The following QARS1 variants were observed in gnomAD, a reference collection of about 807,000 sequenced individuals.
QARS1 encodes the protein glutamine--tRNA ligase.
In QARS1, 79 loss-of-function variants were observed where a neutral mutation model predicts 106.9. The ratio of observed to expected loss-of-function variants is 0.74; its 90% CI spans 0.62 to 0.89. The LOEUF is 0.89. QARS1 is among the 40% of genes least tolerant of loss of function. The pLI is 0.00. For synonymous variants in QARS1, 395 were observed against 367.7 expected, an observed-to-expected ratio of 1.07 and a Z score of -0.85; for missense variants, 966 against 997.2, an observed-to-expected ratio of 0.97 and a Z score of 0.42.
chr3:49,099,930 G>C, intron 14 of QARS1, 31 bp downstream of exon 14: 1 of 1,613,666 alleles, frequency 6.2e-7, no homozygotes, highest in Non-Finnish European at 8.5e-7. Flanking sequence ...CTGCTCGGCA[G>C]CCCCACCACC....
At position 49,102,282 on chromosome 3, in the gene QARS1, G is replaced by T; in HGVS notation, c.571-17C>A. 1 of 1,614,180 alleles carries T rather than the reference G, an allele frequency of 6.2e-7. No individual in the cohort carries two copies. The highest frequency in any genetic ancestry group is 8.5e-7 in the Non-Finnish European group (1 of 1,180,028). ...TTTTGCCACCTGAAAGAAGCCCCAGGTGCTTCAGAAAATGGCATCAAATTT... is the reference window on the plus strand; with the variant it reads ...TTTTGCCACCTGAAAGAAGCCCCAGTTGCTTCAGAAAATGGCATCAAATTT... On this transcript the variant is annotated splice_polypyrimidine_tract_variant and intron_variant, in intron 6 of 23. Transcript: ENST00000306125.
intron 14 of QARS1, 45 bp from the exon 15 acceptor site, chr3:49,099,898 C>T: frequency 6.2e-7 from 1 of 1,614,074 alleles, no homozygotes; most frequent in Non-Finnish European, 8.5e-7. Context: ...CCCTACTCTG[C>T]CCTACCCCAT....
Position 49,099,122 on chromosome 3 carries a change from A to G in QARS1, c.1746T>C (p.Phe582=), listed in dbSNP as rs762223639. Residue 582 remains phenylalanine, a synonymous_variant, in exon 18 of 24, where the codon TTT becomes TTC. Transcript: ENST00000306125. ...LESLRVIITN[F]PAAKSLDIQV... ...GAGGCAGGCCCACCTTGGCAGCAGGAAAGTTGGTGATGATGACCCGTAGTG... is the reference window on the plus strand; with the variant it reads ...GAGGCAGGCCCACCTTGGCAGCAGGGAAGTTGGTGATGATGACCCGTAGTG... 9.3e-6 allele frequency: 15 copies of G among 1,614,184 alleles called. No individual in the cohort carries two copies. The South Asian group carries it at 1.1e-4, about 12-fold the overall frequency.
rs1480341696 is a variant in QARS1, at chr3:49,103,725, T to C, written c.376-19A>G. The C allele has an allele frequency of 6.2e-7, 1 of 1,612,822 alleles. No individual in the cohort carries two copies. Among genetic ancestry groups the C allele is most frequent in the Non-Finnish European group, 8.5e-7 (1 of 1,179,412 alleles). ...CCTCCACCTGCAGAAAGCCAAACCA[T>C]GTGGTTCAGGAAAGCCACCTTTAGA... On this transcript the variant is annotated intron_variant, in intron 3 of 23. Coordinates refer to ENST00000306125, the MANE Select transcript of QARS1 (RefSeq NM_005051.3).
chr3:49,101,822 A>G lies in QARS1; in HGVS notation c.703+6T>C, dbSNP rs372576335. 2.4e-5 allele frequency: 38 copies of G among 1,611,594 alleles called. No homozygotes were observed. Among genetic ancestry groups the G allele is most frequent in the Non-Finnish European group, 3.1e-5 (37 of 1,178,736 alleles). ...CCCTCCCCAGGGTTTTGACATGCCC[A>G]CTAACCAGGCTTGTGGAACTTAAGG... On this transcript the variant is annotated splice_donor_region_variant and intron_variant, in intron 8 of 23. Transcript: ENST00000306125.
At position 49,104,711 on chromosome 3, in the gene QARS1, G is replaced by T. The variant is rs773096335; in HGVS notation, c.23C>A (p.Ser8Ter). Reference sequence around the variant, plus strand: ...GCTCAGGCCGAGGCTAGTGAAGAGCGACAGGGAGTCTAGAGCCGCCATTGC... The same window carrying T: ...GCTCAGGCCGAGGCTAGTGAAGAGCTACAGGGAGTCTAGAGCCGCCATTGC... MAALDSL[S>*]LFTSLGLSEQ... The change falls in exon 1 of 24, where the codon TCG (serine) becomes TAG (stop). Residue 8 changes from serine (S) to a stop codon, truncating the protein, a stop_gained. Coordinates refer to ENST00000306125, the MANE Select transcript of QARS1 (RefSeq NM_005051.3). LOFTEE classifies it high-confidence loss of function. The T allele has an allele frequency of 3.7e-6, 6 of 1,612,682 alleles. No homozygotes were observed. Among genetic ancestry groups the T allele is most frequent in the South Asian group, 1.1e-5 (1 of 91,076 alleles).
chr3:49,098,438 G>A lies in QARS1; in HGVS notation c.1999C>T (p.Arg667Trp), dbSNP rs370587517. The change falls in exon 21 of 24, where the codon CGG becomes TGG. Residue 667 changes from arginine to tryptophan, a missense_variant. Coordinates refer to ENST00000306125, the MANE Select transcript of QARS1 (RefSeq NM_005051.3). Reference sequence around the variant, plus strand: ...TTTGGCTTCTCTCCAGCATCTGCCCGTCTGCAGGTCACCTCCAGACTCTCT... The same window carrying A: ...TTTGGCTTCTCTCCAGCATCTGCCCATCTGCAGGTCACCTCCAGACTCTCT... Reference protein sequence around the residue: ...CVESLEVTCRRADAGEKPKAF... With the variant: ...CVESLEVTCRWADAGEKPKAF... 1.0e-4 allele frequency: 165 copies of A among 1,614,024 alleles called. 1 individual carries two copies. The highest frequency in any genetic ancestry group is 3.1e-4 in the South Asian group (28 of 91,086).
chr3:49,103,464 C>T (rs1424213681), intron 4 of QARS1, 55 bp from the exon 5 acceptor site: 9 of 1,603,588 alleles, frequency 5.6e-6, no homozygotes, highest in South Asian at 1.1e-5. Context: ...ACTCCCCCCA[C>T]CTCTTTCCCA....
rs1221014964 is a variant in QARS1 at position 49,104,644 on chromosome 3, G to C, written c.90C>G (p.Ser30Arg). Residue 30 changes from serine to arginine, a missense_variant, in exon 1 of 24, where the codon AGC becomes AGG. Physicochemically the swap from Ser to Arg is moderately radical, Grantham distance 110. Coordinates refer to ENST00000306125, the MANE Select transcript of QARS1 (RefSeq NM_005051.3). ...ARETLKNSALSAQLREAATQA... is the reference protein window; with the variant it reads ...ARETLKNSALRAQLREAATQA... ...GAGTAGCGGCCTCGCGCAGCTGCGC[G>C]CTCAGAGCCGAGTTCTTGAGCGTCT... The C allele has an allele frequency of 3.1e-6, 5 of 1,607,112 alleles. No individual in the cohort carries two copies. The highest frequency in any genetic ancestry group is 4.3e-6 in the Non-Finnish European group (5 of 1,175,030).
chr3:49,104,637 G>A lies in QARS1; in HGVS notation c.97C>T (p.Leu33=). ...CGCACCTGAGTAGCGGCCTCGCGCAGCTGCGCGCTCAGAGCCGAGTTCTTG... is the reference window on the plus strand; with the variant it reads ...CGCACCTGAGTAGCGGCCTCGCGCAACTGCGCGCTCAGAGCCGAGTTCTTG... ...TLKNSALSAQ[L]REAATQAQQT... The change falls in exon 1 of 24, where the codon CTG becomes TTG. Residue 33 remains leucine, a synonymous_variant. Transcript: ENST00000306125. 6.2e-7 allele frequency: 1 copy of A among 1,605,460 alleles called. No homozygotes were observed.
At chr3:49,099,685 G>A (rs367788826) in intron 15 of QARS1, 38 bp from the exon 16 acceptor site, 45 of 1,613,534 alleles carry the variant, frequency 2.8e-5, no homozygotes, top group Non-Finnish European at 3.5e-5. Context: ...GGCCAGCTCT[G>A]GAACCAGGCA....
Position 49,099,104 on chromosome 3 carries a change from G to C in QARS1, c.1758+6C>G. On this transcript the variant is annotated splice_donor_region_variant and intron_variant, in intron 18 of 23. Coordinates refer to ENST00000306125, the MANE Select transcript of QARS1 (RefSeq NM_005051.3). ...ACATGTGACACACATGTTGAGGCAG[G>C]CCCACCTTGGCAGCAGGAAAGTTGG... 6.2e-7 allele frequency: 1 copy of C among 1,614,160 alleles called. No homozygotes were observed. The highest frequency in any genetic ancestry group is 8.5e-7 in the Non-Finnish European group (1 of 1,180,026).
chr3:49,100,592 T>C lies in QARS1; in HGVS notation c.959A>G (p.Asp320Gly). The C allele has an allele frequency of 6.2e-7, 1 of 1,607,082 alleles. No individual in the cohort carries two copies. Among genetic ancestry groups the C allele is most frequent in the South Asian group, 1.1e-5 (1 of 90,916 alleles). Residue 320 changes from aspartate (D) to glycine (G), a missense_variant, in exon 11 of 24, where the codon GAC (aspartate) becomes GGC (glycine). By Grantham distance (94) the Asp-to-Gly change is moderately conservative (BLOSUM62 -1). Coordinates refer to ENST00000306125, the MANE Select transcript of QARS1 (RefSeq NM_005051.3). ...GTCCATACCTAGCCAGGCTACCATG[T>C]CACAGATGGCCGTGAAGAACTTTGC... The part of the protein sequence containing the change: ...EEAKFFTAIC[D>G]MVAWLGYTPY...
chr3:49,098,507 A>G, intron 20 of QARS1, 27 bp from the exon 21 acceptor site: 1 of 1,613,970 alleles, frequency 6.2e-7, no homozygotes, highest in Non-Finnish European at 8.5e-7. Flanking sequence ...GGGAGCAGCA[A>G]TTAGACCCGG....
chr3:49,102,557 T>C, intron 5 of QARS1, 85 bp from the exon 6 acceptor site: 1 of 1,461,716 alleles, frequency 6.8e-7, no homozygotes, highest in Non-Finnish European at 9.5e-7. Context: ...ACCCAAGGCT[T>C]CCTGGCCTAT....
chr3:49,096,225 A>T, intron 23 of QARS1, 146 bp from the exon 24 acceptor site: 1 of 756,344 alleles, frequency 1.3e-6, no homozygotes. Context: ...CGGGTCCTCA[A>T]TAACTTTGTG....
intron 23 of QARS1, among the ~76,000 whole-genome samples, chr3:49,096,526 G>A (rs924214811): frequency 1.3e-5 from 2 of 152,022 alleles, no homozygotes; most frequent in African/African-American, 2.4e-5. Flanking sequence ...TAGGCCAGGC[G>A]CAGTGGCTCA....
chr3:49,099,864 T>C lies in QARS1; in HGVS notation c.1296-11A>G. ...GTGGGATAGATGCACCTGTGGGGCA[T>C]AGGCAGTGGGCCCTACCATCCAGCC... On this transcript the variant is annotated splice_polypyrimidine_tract_variant and intron_variant, in intron 14 of 23. Coordinates refer to ENST00000306125, the MANE Select transcript of QARS1 (RefSeq NM_005051.3). 6 of 1,613,910 alleles carry C rather than the reference T, an allele frequency of 3.7e-6. No homozygotes were observed. Among genetic ancestry groups the C allele is most frequent in the Admixed American group, 3.3e-5 (2 of 60,012 alleles).
At chr3:49,102,122 CCTGAGGAGCCTGTAAGGACTCTT>C (rs2042479196) in intron 7 of QARS1, 60 bp downstream of exon 7, 2 of 1,556,024 alleles carry the variant, frequency 1.3e-6, no homozygotes, top group Non-Finnish European at 1.8e-6. Context: ...AAGCCAAGGG[CCTGAGGAGCCTGTAAGGACTCTT>C]CTGAGGAGGT....
Sources: allele counts gnomAD v4.1 joint callset (sites outside exome capture counted in the v4.1 genomes callset), GRCh38; gene constraint gnomAD v4.1.1; transcripts MANE v1.5; gene names NCBI Gene and HGNC (gene_info 2026-07-23, HGNC 2026-07-21).